ACAD11: variants seen among roughly 807,000 people sequenced by gnomAD.
ACAD11 encodes the protein acyl-Coenzyme A dehydrogenase family, member 11.
A neutral mutation model predicts 102.2 loss-of-function variants in ACAD11; 83 were observed. That is an observed-to-expected ratio of 0.81 (90% CI 0.68 to 0.97). The LOEUF is 0.97. ACAD11 is among the 50% of genes least tolerant of loss of function. The probability of loss-of-function intolerance (pLI) is 0.00; values close to 1 mark genes in which losing one functional copy is unlikely to be tolerated. For missense variants in ACAD11, 901 were observed against 951.7 expected (o/e 0.95, Z 0.70); for synonymous variants, 324 against 319.8 (o/e 1.01, Z -0.14).
chr3:132,580,348 T>C (rs1318993840), intron 13 of ACAD11, among the ~76,000 whole-genome samples: 1 of 152,012 alleles, frequency 6.6e-6, no homozygotes, highest in Non-Finnish European at 1.5e-5. Flanking sequence ...ATGGAACATA[T>C]TAAAGGACAT....
At chr3:132,644,943 TC>T in intron 1 of ACAD11, 47 bp from the exon 2 acceptor site, 1 of 1,144,096 alleles carries the variant, frequency 8.7e-7, no homozygotes, top group Non-Finnish European at 1.3e-6. Context: ...AGATATGTTT[TC>T]CGTCATCCCC....
intron 17 of ACAD11, among the ~76,000 whole-genome samples, chr3:132,567,780 CT>C (rs1937257612): frequency 6.6e-6 from 1 of 152,248 alleles, no homozygotes. Context: ...AACATTATAC[CT>C]AACATTCCCC....
chr3:132,615,020 G>C (rs1472257958), intron 11 of ACAD11, among the ~76,000 whole-genome samples: 3 of 152,174 alleles, frequency 2.0e-5, no homozygotes, highest in Non-Finnish European at 4.4e-5. Context: ...CAAAGTATAT[G>C]AACAGACACT....
chr3:132,590,526 C>T lies in ACAD11; in HGVS notation c.1622-10968G>A, dbSNP rs770288211. 1.4e-4 allele frequency among the ~76,000 whole-genome samples: 21 copies of T among 152,160 alleles called. 1 individual carries two copies. Among genetic ancestry groups the T allele is most frequent in the South Asian group, 2.1e-4 (1 of 4,824 alleles). Reference sequence around the variant, plus strand: ...CCCCCCAAAGTGCTGGGATTACAGGCATGATCCACCGTGCCCGGCCAGTAG... The same window carrying T: ...CCCCCCAAAGTGCTGGGATTACAGGTATGATCCACCGTGCCCGGCCAGTAG... On this transcript the variant is annotated intron_variant, in intron 13 of 19. Coordinates refer to ENST00000264990, the MANE Select transcript of ACAD11 (RefSeq NM_032169.5).
At chr3:132,586,950 C>G (rs1331885786) in intron 13 of ACAD11, among the ~76,000 whole-genome samples, 1 of 152,034 alleles carries the variant, frequency 6.6e-6, no homozygotes. Flanking sequence ...AAAAATTAGC[C>G]AGGCATGGTG....
intron 1 of ACAD11, chr3:132,648,339 T>C (rs1178329820): frequency 1.3e-5 from 2 of 152,226 alleles, no homozygotes; most frequent in East Asian, 3.8e-4. Flanking sequence ...ACATCTGATA[T>C]GCCACCTTTA....
At chr3:132,651,386 C>A (rs1940925199) in intron 1 of ACAD11, among the ~76,000 whole-genome samples, 1 of 152,186 alleles carries the variant, frequency 6.6e-6, no homozygotes, top group Non-Finnish European at 1.5e-5. Context: ...ACACAGATGT[C>A]CCTTTTAACA....
At chr3:132,650,734 A>G (rs994877169) in intron 1 of ACAD11, among the ~76,000 whole-genome samples, 1 of 152,068 alleles carries the variant, frequency 6.6e-6, no homozygotes, top group African/African-American at 2.4e-5. Context: ...CAGCCCCAAT[A>G]CATACCTACA....
At position 132,565,995 on chromosome 3, in the gene ACAD11, C is replaced by T. The variant is rs112976881; in HGVS notation, c.2002-4778G>A. Among the ~76,000 whole-genome samples, 788 of 152,156 alleles carry T rather than the reference C, an allele frequency of 5.2e-3. 3 individuals carry two copies. The highest frequency in any genetic ancestry group is 9.7e-3 in the Non-Finnish European group (660 of 68,010). ...GCACTATAAAATGGACTAACACACC[C>T]AGATAACAGAGATGTTAGAATTTCT... On this transcript the variant is annotated intron_variant, in intron 17 of 19. Transcript: ENST00000264990.
At chr3:132,599,532 A>T (rs1000847872) in intron 13 of ACAD11, among the ~76,000 whole-genome samples, 3 of 152,058 alleles carry the variant, frequency 2.0e-5, no homozygotes, top group Admixed American at 6.6e-5. Flanking sequence ...ATTAAATATT[A>T]AAAAAGAAAG....
At chr3:132,635,328 G>A (rs1940234912) in intron 5 of ACAD11, among the ~76,000 whole-genome samples, 1 of 152,024 alleles carries the variant, frequency 6.6e-6, no homozygotes, top group Non-Finnish European at 1.5e-5. Context: ...GGGCAGTGAG[G>A]CAGCTGCAGC....
At chr3:132,627,535 T>G (rs1473024160) in intron 8 of ACAD11, among the ~76,000 whole-genome samples, 1 of 152,206 alleles carries the variant, frequency 6.6e-6, no homozygotes, top group African/African-American at 2.4e-5. Flanking sequence ...AGCTGCTGAA[T>G]ATTAGATCTG....
At chr3:132,582,160 A>G (rs1165339988) in intron 13 of ACAD11, among the ~76,000 whole-genome samples, 3 of 152,010 alleles carry the variant, frequency 2.0e-5, no homozygotes, top group African/African-American at 7.2e-5. Context: ...ACAAAAAACA[A>G]TGTAATAAGA....
chr3:132,614,267 C>T (rs1213353612), intron 11 of ACAD11, among the ~76,000 whole-genome samples: 1 of 152,134 alleles, frequency 6.6e-6, no homozygotes, highest in Non-Finnish European at 1.5e-5. Context: ...TTTATAGATT[C>T]AATGCCATCC....
intron 16 of ACAD11, 81 bp from the exon 17 acceptor site, chr3:132,576,007 A>G (rs1937519120): frequency 1.3e-6 from 2 of 1,516,534 alleles, no homozygotes; most frequent in Admixed American, 1.8e-5. Context: ...ATCCTGGGAA[A>G]GAGATGAGCT....
chr3:132,604,452 T>C (rs1304957808), intron 12 of ACAD11, among the ~76,000 whole-genome samples: 1 of 152,178 alleles, frequency 6.6e-6, no homozygotes, highest in Admixed American at 6.5e-5. Flanking sequence ...ACTGTATAAA[T>C]GTATGCTATG....
chr3:132,614,486 A>G (rs553027602), intron 11 of ACAD11, among the ~76,000 whole-genome samples: 1 of 152,152 alleles, frequency 6.6e-6, no homozygotes, highest in South Asian at 2.1e-4. Context: ...TATATAGACC[A>G]ATGGAACAGA....
chr3:132,611,075 A>G (rs1939114021), intron 11 of ACAD11, among the ~76,000 whole-genome samples: 1 of 152,210 alleles, frequency 6.6e-6, no homozygotes, highest in Non-Finnish European at 1.5e-5. Flanking sequence ...CAACATACGC[A>G]AATCAGTAAA....
chr3:132,569,450 C>T (rs1937314189), intron 17 of ACAD11, among the ~76,000 whole-genome samples: 1 of 152,172 alleles, frequency 6.6e-6, no homozygotes, highest in Non-Finnish European at 1.5e-5. Context: ...CCACATGACA[C>T]AGTAATTGCA....
Sources: allele counts gnomAD v4.1 joint callset (sites outside exome capture counted in the v4.1 genomes callset), GRCh38; gene constraint gnomAD v4.1.1; transcripts MANE v1.5; gene names NCBI Gene and HGNC (gene_info 2026-07-23, HGNC 2026-07-21).